Variants in TLN1 observed in about 807,000 individuals in gnomAD.
The protein encoded by TLN1 is talin-1.
A neutral mutation model predicts 292.3 loss-of-function variants in TLN1; 56 were observed. The observed-to-expected ratio is 0.19, with a 90% CI of 0.15 to 0.24. The LOEUF (loss-of-function observed/expected upper bound fraction) is 0.24. Among genes scored for constraint, TLN1 ranks in the 10% least tolerant of loss-of-function variants. The pLI is 1.00. For synonymous variants in TLN1, 1,119 were observed against 1,253.7 expected (o/e 0.89, Z 2.27); for missense variants, 2,433 against 3,248.2 (o/e 0.75, Z 6.10).
At position 35,706,798 on chromosome 9, in the gene TLN1, C is replaced by T; in HGVS notation, c.5058G>A (p.Gln1686=). 6.2e-7 allele frequency: 1 copy of T among 1,614,128 alleles called. No homozygotes were observed. Among genetic ancestry groups the T allele is most frequent in the Non-Finnish European group, 8.5e-7 (1 of 1,180,036 alleles). The stretch of plus-strand genomic sequence containing the variant: ...GAGAGATTCCCTCACGGGGAGCAAG[C>T]TGCTGGCTGACTGCAGCGAGGGAAG... The part of the protein sequence containing the change: ...DQASLAAVSQ[Q]LAPREGISQE... The change falls in exon 38 of 57, where the codon CAG becomes CAA. Residue 1686 remains glutamine (Q), a synonymous_variant. Coordinates refer to ENST00000314888, the MANE Select transcript of TLN1 (RefSeq NM_006289.4). The surrounding 1 kb of genome is among the most constrained non-coding windows in gnomAD (Gnocchi z 4.2).
Position 35,724,515 on chromosome 9 carries a change from G to A in TLN1, c.511+57C>T. On this transcript the variant is annotated intron_variant, in intron 5 of 56. Coordinates refer to ENST00000314888, the MANE Select transcript of TLN1 (RefSeq NM_006289.4). This position sits in a 1 kb window ranked among gnomAD's most constrained non-coding sequence, Gnocchi z 4.7. The stretch of plus-strand genomic sequence containing the variant: ...ACAGTGCCTGGCAGAAGCAGATGCT[G>A]AAGCCCCTTCCCACCCTTCCCATTT... The A allele has an allele frequency of 1.9e-6, 3 of 1,588,876 alleles. No individual in the cohort carries two copies. The highest frequency in any genetic ancestry group is 2.6e-6 in the Non-Finnish European group (3 of 1,167,130).
rs1825523791 is a variant in TLN1, at chr9:35,704,343, G to C, written c.6036C>G (p.Phe2012Leu). The change falls in exon 45 of 57, where the codon TTC becomes TTG. Residue 2012 changes from phenylalanine to leucine, a missense_variant. By Grantham distance (22) the Phe-to-Leu change is conservative. This residue lies in a region of TLN1 where 1,384 missense variants were observed against 1,699.6 expected (regional missense o/e 0.81). Transcript: ENST00000314888. This position sits in a 1 kb window ranked among gnomAD's most constrained non-coding sequence, Gnocchi z 6.9. ...GTLNREGTET[F>L]ADHREGILKT... ...AGTTCCTGTCTTACCGGTGGTCAGC[G>C]AAAGTTTCAGTACCCTCACGATTGA... is the stretch of plus-strand genomic sequence containing the variant. The C allele has an allele frequency of 1.2e-6, 2 of 1,613,536 alleles. No individual in the cohort carries two copies. Among genetic ancestry groups the C allele is most frequent in the Non-Finnish European group, 8.5e-7 (1 of 1,179,684 alleles).
At position 35,699,009 on chromosome 9, in the gene TLN1, A is replaced by C; in HGVS notation, c.6999+23T>G. 6.2e-7 allele frequency: 1 copy of C among 1,608,554 alleles called. No individual in the cohort carries two copies. Among genetic ancestry groups the C allele is most frequent in the East Asian group, 2.2e-5 (1 of 44,674 alleles). Reference sequence around the variant, plus strand: ...GGGGACACTGCCATGGTGAGGGTGGAAGAGGAAGGGAGCAGGACTGACCTT... The same window carrying C: ...GGGGACACTGCCATGGTGAGGGTGGCAGAGGAAGGGAGCAGGACTGACCTT... On this transcript the variant is annotated intron_variant, in intron 52 of 56. Transcript: ENST00000314888. This position sits in a 1 kb window ranked among gnomAD's most constrained non-coding sequence, Gnocchi z 4.0.
Position 35,720,099 on chromosome 9 carries a change from C to T in TLN1, c.1404G>A (p.Met468Ile). 6.2e-7 allele frequency: 1 copy of T among 1,610,938 alleles called. No individual in the cohort carries two copies. Among genetic ancestry groups the T allele is most frequent in the South Asian group, 1.1e-5 (1 of 90,660 alleles). The change falls in exon 13 of 57, where the codon ATG (methionine) becomes ATA (isoleucine). Residue 468 changes from methionine to isoleucine, a missense_variant. Met to Ile is a conservative substitution (Grantham distance 10). Coordinates refer to ENST00000314888, the MANE Select transcript of TLN1 (RefSeq NM_006289.4). The stretch of plus-strand genomic sequence containing the variant: ...TGGTAATCTGCTGCTGGGCAGGGGG[C>T]ATGCTGCCCACCTGGAAATTCTCAG... ...SGPENFQVGS[M>I]PPAQQQITSG...
Position 35,706,730 on chromosome 9 carries a change from C to T in TLN1, c.5088+38G>A. 1 of 1,606,102 alleles carries T rather than the reference C, an allele frequency of 6.2e-7. No homozygotes were observed. Among genetic ancestry groups the T allele is most frequent in the Non-Finnish European group, 8.5e-7 (1 of 1,176,244 alleles). On this transcript the variant is annotated intron_variant, in intron 38 of 56. Transcript: ENST00000314888. The surrounding 1 kb of genome is among the most constrained non-coding windows in gnomAD (Gnocchi z 4.2). ...CTTCTTTGAGTCTGATATTTCTCTT[C>T]CTAGACACATCTTTCCATATAACCC...
Position 35,697,913 on chromosome 9 carries a change from T to C in TLN1, c.7504A>G (p.Ile2502Val). 3 of 1,614,212 alleles carry C rather than the reference T, an allele frequency of 1.9e-6. No individual in the cohort carries two copies. The highest frequency in any genetic ancestry group is 2.5e-6 in the Non-Finnish European group (3 of 1,180,032). Residue 2502 changes from isoleucine to valine, a missense_variant, in exon 57 of 57, where the codon ATC becomes GTC. Physicochemically the swap from Ile to Val is conservative, Grantham distance 29 (BLOSUM62 3). Coordinates refer to ENST00000314888, the MANE Select transcript of TLN1 (RefSeq NM_006289.4). Reference sequence around the variant, plus strand: ...CGAAGCATTTCTTCCTGTGCTGCGATGATCTGAGGGTGGAGATCGGGGACT... The same window carrying C: ...CGAAGCATTTCTTCCTGTGCTGCGACGATCTGAGGGTGGAGATCGGGGACT... ...EKMVGGIAQIIAAQEEMLRKE... is the reference protein window; with the variant it reads ...EKMVGGIAQIVAAQEEMLRKE...
rs1563937200 is a variant in TLN1 at position 35,698,516 on chromosome 9, GA to G, written c.7189-12del. 6.2e-7 allele frequency: 1 copy of G among 1,613,516 alleles called. No homozygotes were observed. Among genetic ancestry groups the G allele is most frequent in the Admixed American group, 1.7e-5 (1 of 59,992 alleles). ...AGCCACCATCCGGGCCTAAAGCAGG[GA>G]GAGTTTGCTTAAAAATATGCCCCTT... is the stretch of plus-strand genomic sequence containing the variant. On this transcript the variant is annotated splice_polypyrimidine_tract_variant and intron_variant, in intron 54 of 56. Transcript: ENST00000314888. The surrounding 1 kb of genome is among the most constrained non-coding windows in gnomAD (Gnocchi z 5.3).
At chr9:35,715,013 C>T (rs1825752865) in intron 21 of TLN1, 46 bp downstream of exon 21, 1 of 1,612,256 alleles carries the variant, frequency 6.2e-7, no homozygotes, top group African/African-American at 1.3e-5. Context: ...ATTCCTCCCA[C>T]AGCACCCACA....
chr9:35,714,764 C>T lies in TLN1; in HGVS notation c.2867G>A (p.Cys956Tyr), dbSNP rs770145763. ...ACATCCTTCCTAGAGTCTTACCTTGCAGCTCTGCACCAGCAGGGGCTGGGG... is the reference window on the plus strand; with the variant it reads ...ACATCCTTCCTAGAGTCTTACCTTGTAGCTCTGCACCAGCAGGGGCTGGGG... ...AGPQPLLVQS[C>Y]KAVAEQIPLL... Residue 956 changes from cysteine (C) to tyrosine (Y), a missense_variant, in exon 22 of 57, where the codon TGC (cysteine) becomes TAC (tyrosine). Physicochemically the swap from Cys to Tyr is radical, Grantham distance 194. Coordinates refer to ENST00000314888, the MANE Select transcript of TLN1 (RefSeq NM_006289.4). The surrounding 1 kb of genome is among the most constrained non-coding windows in gnomAD (Gnocchi z 4.6). 2.8e-5 allele frequency: 45 copies of T among 1,597,220 alleles called. No individual in the cohort carries two copies. The highest frequency in any genetic ancestry group is 3.8e-5 in the Non-Finnish European group (44 of 1,170,712).
intron 33 of TLN1, among the ~76,000 whole-genome samples, chr9:35,709,978 C>T (rs1445514810): frequency 4.2e-5 from 6 of 144,440 alleles, no homozygotes; most frequent in African/African-American, 1.0e-4. Context: ...TTTGGGAGGC[C>T]GAGGCAGGTG....
At position 35,704,520 on chromosome 9, in the gene TLN1, G is replaced by C; in HGVS notation, c.5881-22C>G. On this transcript the variant is annotated intron_variant, in intron 44 of 56. Transcript: ENST00000314888. This position sits in a 1 kb window ranked among gnomAD's most constrained non-coding sequence, Gnocchi z 6.9. Reference sequence around the variant, plus strand: ...AGACCTGGGTAGGGAATGTCACATGGTGACTGTGGAAGGTGCCATGTGAAA... The same window carrying C: ...AGACCTGGGTAGGGAATGTCACATGCTGACTGTGGAAGGTGCCATGTGAAA... 2 of 1,594,942 alleles carry C rather than the reference G, an allele frequency of 1.3e-6. No individual in the cohort carries two copies. Among genetic ancestry groups the C allele is most frequent in the Non-Finnish European group, 1.7e-6 (2 of 1,169,176 alleles).
chr9:35,711,714 T>C lies in TLN1; in HGVS notation c.3760A>G (p.Thr1254Ala). ...EAAAGLNQAA[T>A]ELVQASRGTP... Reference sequence around the variant, plus strand: ...CCCCGAGAGGCCTGCACCAGTTCTGTGGCTGCCTGATTCAGCCCAGCAGCA... The same window carrying C: ...CCCCGAGAGGCCTGCACCAGTTCTGCGGCTGCCTGATTCAGCCCAGCAGCA... The change falls in exon 29 of 57, where the codon ACA (threonine) becomes GCA (alanine). Residue 1254 changes from threonine (T) to alanine (A), a missense_variant. Transcript: ENST00000314888. 6.2e-7 allele frequency: 1 copy of C among 1,614,122 alleles called. No homozygotes were observed. Among genetic ancestry groups the C allele is most frequent in the Non-Finnish European group, 8.5e-7 (1 of 1,180,024 alleles).
At position 35,699,963 on chromosome 9, in the gene TLN1, C is replaced by T; in HGVS notation, c.6768+11G>A. ...AGGCTGGTATGAGGAACAAGCAACG[C>T]CCTCCCTTACCAGCAGTACATGGTC... On this transcript the variant is annotated intron_variant, in intron 50 of 56. Transcript: ENST00000314888. The surrounding 1 kb of genome is among the most constrained non-coding windows in gnomAD (Gnocchi z 4.0). 6.2e-7 allele frequency: 1 copy of T among 1,602,186 alleles called. No individual in the cohort carries two copies. Among genetic ancestry groups the T allele is most frequent in the Admixed American group, 1.7e-5 (1 of 58,932 alleles).
In TLN1 at chr9:35,703,757, GCT is replaced by G. The variant is rs1352437824; in HGVS notation, c.6357+16_6357+17del. 7 of 1,614,080 alleles carry G rather than the reference GCT, an allele frequency of 4.3e-6. No individual in the cohort carries two copies. In the East Asian group the frequency reaches 8.9e-5, roughly 21 times the overall value. ...TTAATCCAGTGCCCCTCCTGATGTT[GCT>G]CTCATTCTCTCCAACCTTGGCAGAG... On this transcript the variant is annotated intron_variant, in intron 47 of 56. Transcript: ENST00000314888.
chr9:35,710,896 G>C lies in TLN1; in HGVS notation c.4114-10C>G. 1.2e-6 allele frequency: 2 copies of C among 1,614,094 alleles called. No individual in the cohort carries two copies. The highest frequency in any genetic ancestry group is 1.7e-6 in the Non-Finnish European group (2 of 1,180,000). ...GGAGTTCCCGGACCGTCTGTGTAGG[G>C]GGAGGGCAAAGTGAGATCCAAGACA... On this transcript the variant is annotated splice_polypyrimidine_tract_variant and intron_variant, in intron 31 of 56. Coordinates refer to ENST00000314888, the MANE Select transcript of TLN1 (RefSeq NM_006289.4).
In TLN1 at chr9:35,717,229, GC is replaced by G; in HGVS notation, c.2374del (p.Ala792LeufsTer15). 6.2e-7 allele frequency: 1 copy of G among 1,614,198 alleles called. No homozygotes were observed. Among genetic ancestry groups the G allele is most frequent in the South Asian group, 1.1e-5 (1 of 91,086 alleles). On this transcript the variant is annotated frameshift_variant, in exon 19 of 57. Coordinates refer to ENST00000314888, the MANE Select transcript of TLN1 (RefSeq NM_006289.4). LOFTEE classifies it high-confidence loss of function. The surrounding 1 kb of genome is among the most constrained non-coding windows in gnomAD (Gnocchi z 4.7). ...LQHVKAHATG[A>X]GPAGRYDQAT... is the part of the protein sequence containing the mutation. ...CTGGTCATAACGGCCAGCAGGCCCA[GC>G]CCCTGTGGCATGGGCTTTCACATGC...
At chr9:35,703,352 C>A (rs1825500506) in intron 48 of TLN1, among the ~76,000 whole-genome samples, 2 of 152,096 alleles carry the variant, frequency 1.3e-5, no homozygotes, top group Admixed American at 6.6e-5. Flanking sequence ...GTCACCCACA[C>A]CTGGGAGAAA....
Position 35,707,476 on chromosome 9 carries a change from C to G in TLN1, c.4645G>C (p.Ala1549Pro), listed in dbSNP as rs1363503500. ...LVKTIKALDG[A>P]FTEENRAQCR... ...TGGGCACGGTTCTCCTCTGTGAAGGCCCCATCTAGCGCCTAGAAGTGACAG... is the reference window on the plus strand; with the variant it reads ...TGGGCACGGTTCTCCTCTGTGAAGGGCCCATCTAGCGCCTAGAAGTGACAG... Residue 1549 changes from alanine (A) to proline (P), a missense_variant, in exon 36 of 57, where the codon GCC becomes CCC. Ala to Pro is a conservative substitution (Grantham distance 27). Transcript: ENST00000314888. The surrounding 1 kb of genome is among the most constrained non-coding windows in gnomAD (Gnocchi z 5.6). 1 of 1,614,070 alleles carries G rather than the reference C, an allele frequency of 6.2e-7. No individual in the cohort carries two copies. Among genetic ancestry groups the G allele is most frequent in the Non-Finnish European group, 8.5e-7 (1 of 1,180,012 alleles).
At position 35,703,549 on chromosome 9, in the gene TLN1, C is replaced by A. The variant is rs1346127875; in HGVS notation, c.6474+11G>T. 6.2e-7 allele frequency: 1 copy of A among 1,613,298 alleles called. No individual in the cohort carries two copies. The highest frequency in any genetic ancestry group is 8.5e-7 in the Non-Finnish European group (1 of 1,179,338). On this transcript the variant is annotated intron_variant, in intron 48 of 56. Coordinates refer to ENST00000314888, the MANE Select transcript of TLN1 (RefSeq NM_006289.4). The stretch of plus-strand genomic sequence containing the variant: ...TGACCCTAGTCACTGATGCCCCAGA[C>A]TCTCACTCACCGCCAGCTCCTGCCG...
Sources: allele counts gnomAD v4.1 joint callset (sites outside exome capture counted in the v4.1 genomes callset), GRCh38; gene constraint gnomAD v4.1.1; regional missense constraint gnomAD v4.1.1; non-coding constraint Gnocchi (gnomAD v3.1); transcripts MANE v1.5; gene names NCBI Gene and HGNC (gene_info 2026-07-23, HGNC 2026-07-21).